The following CMTM7 variants were observed in gnomAD, a reference collection of about 807,000 sequenced individuals.
CMTM7 encodes CKLF like MARVEL transmembrane domain containing 7.
In CMTM7, 7 loss-of-function variants were observed where a neutral mutation model predicts 19.3. The ratio of observed to expected loss-of-function variants is 0.36; its 90% CI spans 0.21 to 0.68. The LOEUF (loss-of-function observed/expected upper bound fraction) is 0.68, where lower values mean the gene tolerates loss of function less well. Among genes scored for constraint, CMTM7 ranks in the 30% least tolerant of loss-of-function variants. The pLI, the probability that CMTM7 is intolerant of heterozygous loss-of-function variation, is 0.60. For synonymous variants in CMTM7, 87 were observed against 99.3 expected, an observed-to-expected ratio of 0.88 and a Z score of 0.74; for missense variants, 193 against 232.6, an observed-to-expected ratio of 0.83 and a Z score of 1.11.
At chr3:32,393,475 G>A (rs1347458329) in intron 1 of CMTM7, among the ~76,000 whole-genome samples, 1 of 152,198 alleles carries the variant, frequency 6.6e-6, no homozygotes, top group African/African-American at 2.4e-5. Flanking sequence ...GAGTTTGGTA[G>A]ACAGAGAATG....
chr3:32,424,162 GCTTA>G (rs1696388969), intron 1 of CMTM7, among the ~76,000 whole-genome samples: 1 of 152,158 alleles, frequency 6.6e-6, no homozygotes, highest in South Asian at 2.1e-4. Flanking sequence ...TCATCTGAAG[GCTTA>G]CTGTCTCACA....
At chr3:32,447,618 G>A (rs558568994) in intron 2 of CMTM7, among the ~76,000 whole-genome samples, 4 of 152,018 alleles carry the variant, frequency 2.6e-5, no homozygotes, top group Non-Finnish European at 2.9e-5. Flanking sequence ...TTTATTAGGT[G>A]CATATACGTT....
At chr3:32,415,747 T>C (rs1050460972) in intron 1 of CMTM7, among the ~76,000 whole-genome samples, 1 of 152,248 alleles carries the variant, frequency 6.6e-6, no homozygotes, top group African/African-American at 2.4e-5. Flanking sequence ...AGAAGTTAGC[T>C]GGGTCTGTTC....
chr3:32,404,845 T>C (rs1264121270), intron 1 of CMTM7, among the ~76,000 whole-genome samples: 1 of 152,030 alleles, frequency 6.6e-6, no homozygotes, highest in Non-Finnish European at 1.5e-5. Context: ...GCAGTTAGAG[T>C]CCCAAAGGAG....
At chr3:32,404,850 A>G (rs1218245587) in intron 1 of CMTM7, among the ~76,000 whole-genome samples, 2 of 152,234 alleles carry the variant, frequency 1.3e-5, no homozygotes, top group African/African-American at 4.8e-5. Flanking sequence ...TAGAGTCCCA[A>G]AGGAGTTGAT....
At position 32,441,842 on chromosome 3, in the gene CMTM7, C is replaced by T; in HGVS notation, c.162C>T (p.Val54=). Residue 54 remains valine, a splice_region_variant and synonymous_variant, in exon 2 of 5, where the codon GTC becomes GTT. Coordinates refer to ENST00000334983, the MANE Select transcript of CMTM7 (RefSeq NM_138410.4). The part of the protein sequence containing the change: ...HAALLKVAQM[V]TLLIAFICVR... ...TGATGTCTCTATTTATGTGGCAGGT[C>T]ACCCTGCTGATTGCCTTCATCTGTG... 1 of 1,613,668 alleles carries T rather than the reference C, an allele frequency of 6.2e-7. No homozygotes were observed. Among genetic ancestry groups the T allele is most frequent in the Non-Finnish European group, 8.5e-7 (1 of 1,179,690 alleles).
At chr3:32,407,792 C>T (rs1450515245) in intron 1 of CMTM7, among the ~76,000 whole-genome samples, 1 of 152,138 alleles carries the variant, frequency 6.6e-6, no homozygotes, top group Admixed American at 6.5e-5. Flanking sequence ...GGGAAGTCTA[C>T]GAGGTTTGTG....
intron 2 of CMTM7, among the ~76,000 whole-genome samples, chr3:32,443,665 C>T (rs979362564): frequency 6.6e-6 from 1 of 152,180 alleles, no homozygotes; most frequent in Non-Finnish European, 1.5e-5. Flanking sequence ...AAGTGGCTCA[C>T]TGTTTTACAT....
intron 1 of CMTM7, among the ~76,000 whole-genome samples, chr3:32,441,082 A>G (rs1382098373): frequency 1.3e-5 from 2 of 152,222 alleles, no homozygotes; most frequent in Non-Finnish European, 2.9e-5. Context: ...GGATTCCTGC[A>G]TGGTTGAGAA....
chr3:32,401,741 G>T lies in CMTM7; in HGVS notation c.159+9676G>T, dbSNP rs547849802. 2.0e-5 allele frequency among the ~76,000 whole-genome samples: 3 copies of T among 152,336 alleles called. No homozygotes were observed. The East Asian group carries it at 5.8e-4, about 29-fold the overall frequency. ...GCTGGCCTTCTTTGTTACTACTTTG[G>T]CTCAGTGGTTTCCTGGGCTCGCTGC... is the stretch of plus-strand genomic sequence containing the variant. On this transcript the variant is annotated intron_variant, in intron 1 of 4. Transcript: ENST00000334983.
chr3:32,392,140 CCGGGCG>C (rs1695845017), intron 1 of CMTM7, 75 bp downstream of exon 1: 1 of 1,134,758 alleles, frequency 8.8e-7, no homozygotes, highest in African/African-American at 1.6e-5. Context: ...AGCGGACGCG[CCGGGCG>C]TCTGGACCCG....
chr3:32,439,497 A>T (rs1696645130), intron 1 of CMTM7, among the ~76,000 whole-genome samples: 1 of 152,218 alleles, frequency 6.6e-6, no homozygotes, highest in South Asian at 2.1e-4. Context: ...TCTGTCTTGC[A>T]GGCTGGAGTG....
chr3:32,395,623 A>G (rs978092381), intron 1 of CMTM7, among the ~76,000 whole-genome samples: 1 of 152,224 alleles, frequency 6.6e-6, no homozygotes, highest in Non-Finnish European at 1.5e-5. Context: ...AGATGACAAC[A>G]ATAGAAAACA....
chr3:32,415,655 A>G (rs1041224140), intron 1 of CMTM7, among the ~76,000 whole-genome samples: 24 of 152,234 alleles, frequency 1.6e-4, no homozygotes, highest in Admixed American at 4.6e-4. Context: ...TCTTCTCTGA[A>G]GTATTTAAGC....
chr3:32,439,785 C>T (rs1313896882), intron 1 of CMTM7, among the ~76,000 whole-genome samples: 2 of 152,176 alleles, frequency 1.3e-5, no homozygotes, highest in Non-Finnish European at 1.5e-5. Context: ...ATTTAATTCT[C>T]ATTGTAGACT....
intron 1 of CMTM7, among the ~76,000 whole-genome samples, chr3:32,405,671 C>T (rs1249783415): frequency 2.0e-5 from 3 of 152,214 alleles, no homozygotes; most frequent in Admixed American, 1.3e-4. Context: ...ATGAAGATTG[C>T]TTGAGCCCAG....
At chr3:32,425,884 G>A (rs1219606113) in intron 1 of CMTM7, among the ~76,000 whole-genome samples, 3 of 152,160 alleles carry the variant, frequency 2.0e-5, no homozygotes, top group Non-Finnish European at 4.4e-5. Context: ...GGTGGCTCAC[G>A]CCTGTAATCC....
chr3:32,452,245 G>A, intron 3 of CMTM7, 147 bp from the exon 4 acceptor site: 1 of 1,546,582 alleles, frequency 6.5e-7, no homozygotes, highest in Non-Finnish European at 8.7e-7. Context: ...CCTGATCCAG[G>A]ATGAGGTGGT....
At chr3:32,392,817 C>T (rs1036062957) in intron 1 of CMTM7, among the ~76,000 whole-genome samples, 1 of 152,232 alleles carries the variant, frequency 6.6e-6, no homozygotes, top group Non-Finnish European at 1.5e-5. Flanking sequence ...TTGTGACCAA[C>T]TCAGCACAAG....
Sources: gnomAD v4.1 joint callset for allele counts (sites outside exome capture counted in the v4.1 genomes callset) on GRCh38, gnomAD v4.1.1 for gene constraint, MANE v1.5 for transcripts, NCBI Gene and HGNC (gene_info 2026-07-23, HGNC 2026-07-21) for gene names.